Variants in URB1 observed in about 807,000 individuals in gnomAD.
URB1 encodes nucleolar pre-ribosomal-associated protein 1.
Under a neutral mutation model 242.3 loss-of-function variants are expected in URB1, and 197 were observed. That is an observed-to-expected ratio of 0.81 (90% CI 0.72 to 0.91). The LOEUF is 0.91. URB1 is among the 40% of genes least tolerant of loss of function. The pLI, the probability that URB1 is intolerant of heterozygous loss-of-function variation, is 0.00. For missense variants in URB1, 2,721 were observed against 2,860.5 expected, an observed-to-expected ratio of 0.95 and a Z score of 1.11; for synonymous variants, 1,153 against 1,201.8, an observed-to-expected ratio of 0.96 and a Z score of 0.84.
Position 32,352,709 on chromosome 21 carries a change from C to T in URB1, c.2613+1G>A. 6.4e-7 allele frequency: 1 copy of T among 1,550,972 alleles called. No individual in the cohort carries two copies. Among genetic ancestry groups the T allele is most frequent in the Non-Finnish European group, 8.7e-7 (1 of 1,146,884 alleles). On this transcript the variant is annotated splice_donor_variant, in intron 19 of 38. Transcript: ENST00000382751. LOFTEE classifies it high-confidence loss of function. ...TGACCACAGCTGTGGCTGCAGCTCA[C>T]CCAGGCCTCTCGGGCTTGCTCCGGG... is the stretch of plus-strand genomic sequence containing the variant.
chr21:32,314,665 A>G lies in URB1; in HGVS notation c.*253T>C, dbSNP rs775490277. The G allele has an allele frequency of 6.2e-7, 1 of 1,608,204 alleles. No individual in the cohort carries two copies. The highest frequency in any genetic ancestry group is 8.5e-7 in the Non-Finnish European group (1 of 1,174,582). ...AAGGGGCGGCCTGACGAGGCACTGGATGGGCCTCATGGCCTAGAAGTCCCC... is the reference window on the plus strand; with the variant it reads ...AAGGGGCGGCCTGACGAGGCACTGGGTGGGCCTCATGGCCTAGAAGTCCCC... On this transcript the variant is annotated 3_prime_UTR_variant, in exon 39 of 39. Coordinates refer to ENST00000382751, the MANE Select transcript of URB1 (RefSeq NM_014825.3).
At chr21:32,338,083 T>C (rs986088910) in intron 26 of URB1, among the ~76,000 whole-genome samples, 1 of 152,216 alleles carries the variant, frequency 6.6e-6, no homozygotes, top group Non-Finnish European at 1.5e-5. Context: ...GACTTATTAA[T>C]AGCAGTTTAT....
rs535633015 is a variant in URB1 at position 32,332,592 on chromosome 21, A to T, written c.4960+725T>A. Among the ~76,000 whole-genome samples, 222 of 146,628 alleles carry T rather than the reference A, an allele frequency of 1.5e-3. 1 individual carries two copies. The highest frequency in any genetic ancestry group is 5.2e-3 in the African/African-American group (208 of 39,924). On this transcript the variant is annotated intron_variant, in intron 30 of 38. Coordinates refer to ENST00000382751, the MANE Select transcript of URB1 (RefSeq NM_014825.3). The stretch of plus-strand genomic sequence containing the variant: ...GACAAAAAAAAAAAAAAATCCCCAA[A>T]CTCAATAGTTAAAAAAACAAAAAAC...
rs1400033519 is a variant in URB1, at chr21:32,354,071, C to T, written c.2278G>A (p.Gly760Ser). The change falls in exon 18 of 39, where the codon GGC becomes AGC. Residue 760 changes from glycine to serine, a missense_variant. Coordinates refer to ENST00000382751, the MANE Select transcript of URB1 (RefSeq NM_014825.3). Reference sequence around the variant, plus strand: ...ATTTCCTCATCCAAGCCTTCACTGCCCTCCACCAGGACATCCACCATGTCG... The same window carrying T: ...ATTTCCTCATCCAAGCCTTCACTGCTCTCCACCAGGACATCCACCATGTCG... ...VLDMVDVLVE[G>S]SEGLDEEIGF... 6.4e-7 allele frequency: 1 copy of T among 1,551,720 alleles called. No individual in the cohort carries two copies. Among genetic ancestry groups the T allele is most frequent in the Non-Finnish European group, 8.7e-7 (1 of 1,147,008 alleles).
chr21:32,327,781 A>G (rs1460773961), intron 30 of URB1, among the ~76,000 whole-genome samples: 1 of 152,248 alleles, frequency 6.6e-6, no homozygotes, highest in Non-Finnish European at 1.5e-5. Context: ...CTATACATGA[A>G]GTGGTATCAT....
At chr21:32,391,625 T>C (rs1218979551) in intron 1 of URB1, among the ~76,000 whole-genome samples, 1 of 152,130 alleles carries the variant, frequency 6.6e-6, no homozygotes, top group African/African-American at 2.4e-5. Context: ...TAATAGCCTC[T>C]AGTAATACTT....
Position 32,338,755 on chromosome 21 carries a change from T to C in URB1, c.4462A>G (p.Thr1488Ala). The C allele has an allele frequency of 1.3e-6, 2 of 1,551,214 alleles. No homozygotes were observed. Among genetic ancestry groups the C allele is most frequent in the Non-Finnish European group, 1.7e-6 (2 of 1,146,906 alleles). Reference sequence around the variant, plus strand: ...TCCTCTCCGTCAGACGTCAGTAGAGTCGGCAGAAACAGCGAGTGCTGCATG... The same window carrying C: ...TCCTCTCCGTCAGACGTCAGTAGAGCCGGCAGAAACAGCGAGTGCTGCATG... The part of the protein sequence containing the change: ...MLMQHSLFLP[T>A]LLTSDGEESP... Residue 1488 changes from threonine to alanine, a missense_variant, in exon 26 of 39, where the codon ACT becomes GCT. By Grantham distance (58) the Thr-to-Ala change is moderately conservative. Transcript: ENST00000382751.
chr21:32,392,582 C>T (rs1424464338), intron 1 of URB1, among the ~76,000 whole-genome samples, 187 bp downstream of exon 1: 1 of 152,244 alleles, frequency 6.6e-6, no homozygotes, highest in Non-Finnish European at 1.5e-5. Context: ...GGGGCCCTCT[C>T]GCTGTCGCCG....
At chr21:32,318,618 G>C (rs1001194850) in intron 36 of URB1, among the ~76,000 whole-genome samples, 2 of 152,136 alleles carry the variant, frequency 1.3e-5, no homozygotes, top group Admixed American at 1.3e-4. Flanking sequence ...TTCTGGTTCC[G>C]GTTAGCATAA....
In URB1 at chr21:32,312,799, AG is replaced by A. The variant is rs751588513; in HGVS notation, c.*2118del. On this transcript the variant is annotated 3_prime_UTR_variant, in exon 39 of 39. Transcript: ENST00000382751. ...GACCCATATGTCCCCTACAGCTTTCAGGCAAGGAGGGAGTTGATAGGTTTTA... is the reference window on the plus strand; with the variant it reads ...GACCCATATGTCCCCTACAGCTTTCAGCAAGGAGGGAGTTGATAGGTTTTA... 2.0e-5 allele frequency: 3 copies of A among 152,234 alleles called. No individual in the cohort carries two copies. The highest frequency in any genetic ancestry group is 4.4e-5 in the Non-Finnish European group (3 of 68,064). 9.4% of individuals were successfully genotyped at this position (152,234 alleles called of 1,614,324 possible).
At chr21:32,345,995 G>A (rs2033082193) in intron 22 of URB1, among the ~76,000 whole-genome samples, 1 of 152,128 alleles carries the variant, frequency 6.6e-6, no homozygotes, top group Admixed American at 6.5e-5. Context: ...TGTTGGAGGT[G>A]GGGTCTAATG....
intron 35 of URB1, 131 bp from the exon 36 acceptor site, chr21:32,319,545 T>G (rs1219317787): frequency 2.1e-6 from 2 of 969,720 alleles, no homozygotes; most frequent in Non-Finnish European, 2.9e-6. Flanking sequence ...ACAGGGTGCT[T>G]GCTATACAAA....
At chr21:32,379,636 A>C (rs572498817) in intron 4 of URB1, among the ~76,000 whole-genome samples, 1 of 152,304 alleles carries the variant, frequency 6.6e-6, no homozygotes, top group East Asian at 1.9e-4. Flanking sequence ...TTTACTCCTC[A>C]TAACAGCCTG....
intron 22 of URB1, 72 bp from the exon 23 acceptor site, chr21:32,345,647 G>A: frequency 7.0e-7 from 1 of 1,423,438 alleles, no homozygotes; most frequent in East Asian, 2.5e-5. Context: ...CCAGCTCCTA[G>A]GAACTGGTTG....
chr21:32,360,669 C>T (rs1258235741), intron 13 of URB1, among the ~76,000 whole-genome samples: 1 of 152,138 alleles, frequency 6.6e-6, no homozygotes, highest in African/African-American at 2.4e-5. Context: ...TCTGCAGGCC[C>T]CTCATTTCTG....
intron 10 of URB1, among the ~76,000 whole-genome samples, 153 bp from the exon 11 acceptor site, chr21:32,363,482 G>A (rs2033312050): frequency 6.6e-6 from 1 of 152,158 alleles, no homozygotes; most frequent in African/African-American, 2.4e-5. Context: ...AGGCGACCTG[G>A]GTACCTCGCC....
chr21:32,341,358 G>A (rs1309563547), intron 25 of URB1, 108 bp downstream of exon 25: 9 of 1,105,732 alleles, frequency 8.1e-6, no homozygotes, highest in African/African-American at 1.6e-5. Flanking sequence ...AGGTGACATC[G>A]GCTCCACCAC....
At chr21:32,361,336 G>A (rs2033285548) in intron 12 of URB1, among the ~76,000 whole-genome samples, 1 of 103,534 alleles carries the variant, frequency 9.7e-6, no homozygotes, top group Admixed American at 9.9e-5. Context: ...TAGATCTAAT[G>A]AGTCAATGTG....
At chr21:32,356,357 A>C (rs925976798) in intron 15 of URB1, among the ~76,000 whole-genome samples, 1 of 152,210 alleles carries the variant, frequency 6.6e-6, no homozygotes, top group Non-Finnish European at 1.5e-5. Flanking sequence ...GTAGCAGTGC[A>C]CAGCAGCGTG....
Sources: gnomAD v4.1 joint callset for allele counts (sites outside exome capture counted in the v4.1 genomes callset) on GRCh38, gnomAD v4.1.1 for gene constraint, MANE v1.5 for transcripts, NCBI Gene and HGNC (gene_info 2026-07-23, HGNC 2026-07-21) for gene names.